RTTN: variants seen among roughly 807,000 people sequenced by gnomAD.
The protein encoded by RTTN is rotatin.
In RTTN, 182 loss-of-function variants were observed where a neutral mutation model predicts 269.2. The ratio of observed to expected loss-of-function variants is 0.68; its 90% CI spans 0.60 to 0.76. The LOEUF is 0.76. Among genes scored for constraint, RTTN ranks in the 30% least tolerant of loss-of-function variants. The probability of loss-of-function intolerance (pLI) is 0.00; values close to 1 mark genes in which losing one functional copy is unlikely to be tolerated. For missense variants in RTTN, 2,545 were observed against 2,608.6 expected (o/e 0.98, Z 0.53); for synonymous variants, 1,006 against 963.5 (o/e 1.04, Z -0.82).
intron 11 of RTTN, among the ~76,000 whole-genome samples, chr18:70,172,437 A>G (rs1371075991): frequency 6.6e-6 from 1 of 152,192 alleles, no homozygotes; most frequent in African/African-American, 2.4e-5. Context: ...GGGCAGCATA[A>G]CCTTACATTT....
intron 12 of RTTN, 124 bp from the exon 13 acceptor site, chr18:70,167,155 T>A: frequency 3.1e-6 from 2 of 635,036 alleles, no homozygotes; most frequent in East Asian, 3.1e-5. Context: ...TACATTTGTT[T>A]AAGTCCACTT....
chr18:70,011,890 T>C (rs1156997143), intron 46 of RTTN, among the ~76,000 whole-genome samples: 1 of 151,032 alleles, frequency 6.6e-6, no homozygotes, highest in East Asian at 2.0e-4. Flanking sequence ...TCACTGGTGT[T>C]AGATAGAGGG....
At chr18:70,036,673 C>G (rs2057181549) in intron 40 of RTTN, among the ~76,000 whole-genome samples, 1 of 152,180 alleles carries the variant, frequency 6.6e-6, no homozygotes, top group East Asian at 1.9e-4. Flanking sequence ...AACAAACCTA[C>G]ACATGTACCC....
intron 43 of RTTN, among the ~76,000 whole-genome samples, chr18:70,026,370 G>A (rs2056853311): frequency 6.6e-6 from 1 of 152,078 alleles, no homozygotes; most frequent in African/African-American, 2.4e-5. Context: ...ATTCCTCATG[G>A]CTTGGTGCTT....
intron 28 of RTTN, among the ~76,000 whole-genome samples, chr18:70,097,439 T>C (rs2059031736): frequency 6.6e-6 from 1 of 152,236 alleles, no homozygotes; most frequent in Admixed American, 6.5e-5. Flanking sequence ...GGATACCTGT[T>C]TATGTAATTA....
chr18:70,056,405 A>C (rs1293151599), intron 37 of RTTN, among the ~76,000 whole-genome samples: 1 of 152,204 alleles, frequency 6.6e-6, no homozygotes, highest in Admixed American at 6.5e-5. Context: ...AAATGACATT[A>C]ATGATAACTT....
At chr18:70,131,414 T>G (rs1397657162) in intron 23 of RTTN, 1 of 151,378 alleles carries the variant, frequency 6.6e-6, no homozygotes, top group Non-Finnish European at 1.5e-5. Context: ...ATAAATGGAA[T>G]TAATGTGTTC....
chr18:70,077,117 T>TA (rs1359129324), intron 32 of RTTN, among the ~76,000 whole-genome samples: 4 of 151,874 alleles, frequency 2.6e-5, no homozygotes, highest in African/African-American at 9.7e-5. Flanking sequence ...TCACTCCATC[T>TA]AAAAAATTCA....
rs10559303 is a variant in RTTN, at chr18:70,163,069, TAAAAAA to T, written c.1929+2987_1929+2992del. Among the ~76,000 whole-genome samples the T allele has an allele frequency of 3.6e-3, 206 of 56,978 alleles. 2 individuals carry two copies. The highest frequency in any genetic ancestry group is 0.014 in the African/African-American group (192 of 14,162). The allele number at this position is 56,978 out of a possible 152,430, so 37.4% of individuals were successfully genotyped here. A position where few individuals can be genotyped will look rare whatever the true frequency, so the allele number is the denominator to read the frequency against. ...CACCCATTAGGATGGTTACTATTAT[TAAAAAA>T]AAAAAAAAAAAAAAAAAAAAAAACA... On this transcript the variant is annotated intron_variant, in intron 14 of 48. Transcript: ENST00000640769.
intron 34 of RTTN, 21 bp downstream of exon 34, chr18:70,073,885 T>G (rs1324165265): frequency 1.5e-5 from 23 of 1,564,522 alleles, no homozygotes; most frequent in Non-Finnish European, 2.0e-5. Flanking sequence ...AATAAAGGAC[T>G]TATGCATTCT....
intron 33 of RTTN, chr18:70,075,134 A>C (rs2058393040): frequency 2.7e-6 from 1 of 364,452 alleles, no homozygotes; most frequent in Non-Finnish European, 4.8e-6. Flanking sequence ...AAATACAAAA[A>C]TGTACACAAG....
chr18:70,136,826 T>A (rs2060135918), intron 21 of RTTN, among the ~76,000 whole-genome samples: 1 of 152,126 alleles, frequency 6.6e-6, no homozygotes, highest in South Asian at 2.1e-4. Context: ...ACAACATGAT[T>A]ACTGTCATGG....
chr18:70,164,714 G>T (rs1394052945), intron 14 of RTTN, among the ~76,000 whole-genome samples: 1 of 152,140 alleles, frequency 6.6e-6, no homozygotes, highest in East Asian at 1.9e-4. Context: ...TCTAATAAGA[G>T]TTCCACTTGG....
At position 70,003,560 on chromosome 18, in the gene RTTN, C is replaced by A. The variant is rs148797088; in HGVS notation, c.*591G>T. On this transcript the variant is annotated 3_prime_UTR_variant, in exon 49 of 49. Coordinates refer to ENST00000640769, the MANE Select transcript of RTTN (RefSeq NM_173630.4). ...AAGAAAGCTACTTACAAATCATGTA[C>A]ATTTACTTCCACACAGCCCTTTACA... 1 of 152,178 alleles carries A rather than the reference C, an allele frequency of 6.6e-6. No homozygotes were observed. Among genetic ancestry groups the A allele is most frequent in the Non-Finnish European group, 1.5e-5 (1 of 68,046 alleles). The allele number at this position is 152,178 out of a possible 1,614,324, so 9.4% of individuals were successfully genotyped here. A position where few individuals can be genotyped will look rare whatever the true frequency, so the allele number is the denominator to read the frequency against.
rs1182522062 is a variant in RTTN at position 70,190,543 on chromosome 18, C to T, written c.1184G>A (p.Arg395Lys). 10 of 1,610,132 alleles carry T rather than the reference C, an allele frequency of 6.2e-6. No individual in the cohort carries two copies. The highest frequency in any genetic ancestry group is 7.6e-6 in the Non-Finnish European group (9 of 1,176,748). Residue 395 changes from arginine to lysine, a missense_variant, in exon 9 of 49, where the codon AGA becomes AAA. Coordinates refer to ENST00000640769, the MANE Select transcript of RTTN (RefSeq NM_173630.4). ...SILESAVPLLRTGSRQVIIRV... is the reference protein window; with the variant it reads ...SILESAVPLLKTGSRQVIIRV... Reference sequence around the variant, plus strand: ...CGATTTCTAAAACAACTAACCTGTTCTTAAGAGAGGAACAGCTGATTCCAG... The same window carrying T: ...CGATTTCTAAAACAACTAACCTGTTTTTAAGAGAGGAACAGCTGATTCCAG...
chr18:70,180,425 T>C (rs186006110), intron 10 of RTTN, among the ~76,000 whole-genome samples: 1 of 152,038 alleles, frequency 6.6e-6, no homozygotes, highest in East Asian at 1.9e-4. Flanking sequence ...CTGCTAAAAA[T>C]ACAAAAATTA....
At chr18:70,166,765 CAT>C in intron 13 of RTTN, 152 bp downstream of exon 13, 1 of 587,280 alleles carries the variant, frequency 1.7e-6, no homozygotes, top group Non-Finnish European at 3.0e-6. Context: ...TGCAGCTGTA[CAT>C]ATACCCTTTA....
At position 70,092,107 on chromosome 18, in the gene RTTN, C is replaced by T; in HGVS notation, c.4143+3G>A. ...AATACACTTGATTCTCCTTCACACT[C>T]ACCTCTGGGTCCCGATCAACCCATA... is the stretch of plus-strand genomic sequence containing the variant. On this transcript the variant is annotated splice_donor_region_variant and intron_variant, in intron 30 of 48. Coordinates refer to ENST00000640769, the MANE Select transcript of RTTN (RefSeq NM_173630.4). 2 of 1,583,126 alleles carry T rather than the reference C, an allele frequency of 1.3e-6. No homozygotes were observed. The highest frequency in any genetic ancestry group is 8.7e-7 in the Non-Finnish European group (1 of 1,152,280).
intron 18 of RTTN, among the ~76,000 whole-genome samples, chr18:70,142,714 T>C (rs1278972833): frequency 6.6e-6 from 1 of 152,220 alleles, no homozygotes; most frequent in African/African-American, 2.4e-5. Flanking sequence ...CCGGGTGCGA[T>C]GGCTCACGCC....
Sources: allele counts gnomAD v4.1 joint callset (sites outside exome capture counted in the v4.1 genomes callset), GRCh38; gene constraint gnomAD v4.1.1; transcripts MANE v1.5; gene names NCBI Gene and HGNC (gene_info 2026-07-23, HGNC 2026-07-21).